PCGF3: variants seen among roughly 807,000 people sequenced by gnomAD.
PCGF3 encodes polycomb group RING finger protein 3.
Under a neutral mutation model 33.1 loss-of-function variants are expected in PCGF3, and 7 were observed. That is an observed-to-expected ratio of 0.21 (90% CI 0.12 to 0.40). The LOEUF (loss-of-function observed/expected upper bound fraction) is 0.40. PCGF3 is among the 10% of genes least tolerant of loss of function. The probability of loss-of-function intolerance (pLI) is 1.00; values close to 1 mark genes in which losing one functional copy is unlikely to be tolerated. For synonymous variants in PCGF3, 153 were observed against 121.3 expected, an observed-to-expected ratio of 1.26 and a Z score of -1.72; for missense variants, 211 against 313.3, an observed-to-expected ratio of 0.67 and a Z score of 2.46.
At chr4:718,268 C>G (rs1025340868) in intron 1 of PCGF3, among the ~76,000 whole-genome samples, 36 of 152,100 alleles carry the variant, frequency 2.4e-4, no homozygotes, top group African/African-American at 8.4e-4. Flanking sequence ...TGGGGTAGCC[C>G]CGGGGGCGGC....
chr4:741,087 T>C (rs755496316), intron 6 of PCGF3, among the ~76,000 whole-genome samples: 3 of 152,240 alleles, frequency 2.0e-5, no homozygotes, highest in Non-Finnish European at 4.4e-5. Flanking sequence ...ACTGTAGCTA[T>C]GCTGAGAGCA....
chr4:737,157 C>T (rs1018503207), intron 5 of PCGF3, among the ~76,000 whole-genome samples: 4 of 151,494 alleles, frequency 2.6e-5, no homozygotes, highest in Non-Finnish European at 4.4e-5. Context: ...TCTGCAGGGA[C>T]GGTGTCCCCT....
At chr4:750,313 C>T (rs1054033471) in intron 8 of PCGF3, among the ~76,000 whole-genome samples, 5 of 152,182 alleles carry the variant, frequency 3.3e-5, no homozygotes, top group East Asian at 3.9e-4. Context: ...GTCTCCTTCC[C>T]GGGCGGTCAG....
At chr4:709,368 G>A (rs1284824818) in intron 1 of PCGF3, among the ~76,000 whole-genome samples, 1 of 151,846 alleles carries the variant, frequency 6.6e-6, no homozygotes, top group African/African-American at 2.4e-5. Flanking sequence ...ATGAATGAAA[G>A]GCAAGAGTGA....
At chr4:769,213 C>G (rs1360059597) in exon 11 of PCGF3, 1 of 152,708 alleles carries the variant, frequency 6.5e-6, no homozygotes, top group Non-Finnish European at 1.5e-5. Flanking sequence ...CGGAGCTGCC[C>G]TGGCCCAAGC....
chr4:755,331 G>A (rs1401693944), intron 8 of PCGF3, among the ~76,000 whole-genome samples: 1 of 151,942 alleles, frequency 6.6e-6, no homozygotes, highest in Non-Finnish European at 1.5e-5. Context: ...TGTGTGTGGG[G>A]TGTCCAGCGA....
intron 1 of PCGF3, among the ~76,000 whole-genome samples, chr4:725,871 A>G (rs4690294): frequency 0.24 from 36,645 of 151,914 alleles, 5,020 homozygotes; most frequent in South Asian, 0.36. Context: ...GCCTCCTGGA[A>G]CCGCCTCAGT....
At chr4:766,498 C>G (rs1040370895) in exon 11 of PCGF3, 2 of 156,564 alleles carry the variant, frequency 1.3e-5, no homozygotes, top group East Asian at 3.7e-4. Context: ...TGAATCCTTC[C>G]TAAGTTATTG....
At chr4:731,394 T>TG in intron 3 of PCGF3, 1 of 384,480 alleles carries the variant, frequency 2.6e-6, no homozygotes, top group Non-Finnish European at 4.6e-6. Context: ...CAGTGCTGCT[T>TG]GGGGGCCGAG....
At position 755,270 on chromosome 4, in the gene PCGF3, C is replaced by T. The variant is rs75412477; in HGVS notation, c.463-6009C>T. On this transcript the variant is annotated intron_variant, in intron 8 of 10. Transcript: ENST00000362003. The stretch of plus-strand genomic sequence containing the variant: ...TCTTCTAAGACATTGCACTTGTCCC[C>T]CTGGGCAGGTGTGTTCCACGGTATC... Among the ~76,000 whole-genome samples, 1,160 of 152,318 alleles carry T rather than the reference C, an allele frequency of 7.6e-3. 19 individuals carry two copies. Among genetic ancestry groups the T allele is most frequent in the East Asian group, 0.025 (130 of 5,188 alleles).
chr4:708,515 A>C (rs539547379), intron 1 of PCGF3, among the ~76,000 whole-genome samples: 1 of 152,170 alleles, frequency 6.6e-6, no homozygotes, highest in Admixed American at 6.5e-5. Context: ...CAGCCCCTGC[A>C]CATGAACCGC....
chr4:737,998 A>G (rs1430418406), intron 6 of PCGF3, among the ~76,000 whole-genome samples: 6 of 152,262 alleles, frequency 3.9e-5, no homozygotes, highest in Admixed American at 3.3e-4. Context: ...AAATACCCTG[A>G]AAGTGGAAAT....
chr4:739,100 C>G (rs1292757632), intron 6 of PCGF3, among the ~76,000 whole-genome samples: 1 of 152,186 alleles, frequency 6.6e-6, no homozygotes, highest in African/African-American at 2.4e-5. Flanking sequence ...ACCACAATAC[C>G]TTGATAATGT....
intron 5 of PCGF3, among the ~76,000 whole-genome samples, 195 bp from the exon 6 acceptor site, chr4:737,271 C>A (rs1396889347): frequency 6.6e-6 from 1 of 152,204 alleles, no homozygotes; most frequent in East Asian, 1.9e-4. Context: ...GCAGCCAGAG[C>A]CCAAGTTAAA....
At chr4:726,719 C>G (rs7438761) in intron 1 of PCGF3, among the ~76,000 whole-genome samples, 104,985 of 151,884 alleles carry the variant, frequency 0.69, 36,954 homozygotes, top group Middle Eastern at 0.82. Context: ...TACAAGCTGA[C>G]AGTTTGGCTT....
chr4:749,991 G>A (rs1451621118), intron 8 of PCGF3, among the ~76,000 whole-genome samples: 7 of 152,124 alleles, frequency 4.6e-5, no homozygotes. Context: ...TTGTAGAGAT[G>A]GATGGAGTCT....
chr4:731,301 G>C, intron 3 of PCGF3, 191 bp downstream of exon 3: 1 of 398,612 alleles, frequency 2.5e-6, no homozygotes, highest in Non-Finnish European at 4.4e-6. Flanking sequence ...GGGGGTCCCA[G>C]GCCTCGATGG....
At chr4:743,656 G>C in intron 7 of PCGF3, 72 bp downstream of exon 7, 1 of 869,116 alleles carries the variant, frequency 1.2e-6, no homozygotes, top group East Asian at 2.6e-5. Flanking sequence ...AAGAGCTGGC[G>C]CTGTCTGCCG....
At chr4:735,282 C>T (rs1743778450) in intron 5 of PCGF3, among the ~76,000 whole-genome samples, 1 of 152,224 alleles carries the variant, frequency 6.6e-6, no homozygotes, top group East Asian at 1.9e-4. Flanking sequence ...CGCAGGGGCT[C>T]ATGCCTATAA....
Sources: gnomAD v4.1 joint callset for allele counts (sites outside exome capture counted in the v4.1 genomes callset) on GRCh38, gnomAD v4.1.1 for gene constraint, MANE v1.5 for transcripts, NCBI Gene and HGNC (gene_info 2026-07-23, HGNC 2026-07-21) for gene names.